Variants in TBX5 observed in about 807,000 individuals in gnomAD.
TBX5 encodes the protein T-box transcription factor 5, also known as T-box transcription factor TBX5.
In TBX5, 8 loss-of-function variants were observed where a neutral mutation model predicts 51.1. The ratio of observed to expected loss-of-function variants is 0.16; its 90% CI spans 0.09 to 0.28. TBX5 has a LOEUF of 0.28. Ranked by LOEUF, TBX5 falls within the 10% of genes least tolerant of loss-of-function variation. TBX5 has a pLI of 1.00. For missense variants in TBX5, 589 were observed against 671.7 expected, an observed-to-expected ratio of 0.88 and a Z score of 1.36; for synonymous variants, 302 against 266.4, an observed-to-expected ratio of 1.13 and a Z score of -1.30.
At chr12:114,362,149 A>T (rs370139682) in intron 8 of TBX5, among the ~76,000 whole-genome samples, 1 of 152,194 alleles carries the variant, frequency 6.6e-6, no homozygotes, top group South Asian at 2.1e-4. Flanking sequence ...CCCTGGTCGG[A>T]GCCACCATCT....
At chr12:114,404,804 G>A (rs1363622900) in intron 1 of TBX5, among the ~76,000 whole-genome samples, 1 of 152,138 alleles carries the variant, frequency 6.6e-6, no homozygotes, top group Non-Finnish European at 1.5e-5. Flanking sequence ...GCCAGGCCTG[G>A]CCTGCTAAAA....
chr12:114,404,202 C>T (rs941833723), intron 1 of TBX5, among the ~76,000 whole-genome samples: 2 of 152,102 alleles, frequency 1.3e-5, no homozygotes, highest in Non-Finnish European at 2.9e-5. Context: ...AGGTGAGGCC[C>T]GCATCTCCCC....
At chr12:114,372,784 C>G (rs1057305373) in intron 7 of TBX5, among the ~76,000 whole-genome samples, 17 of 152,066 alleles carry the variant, frequency 1.1e-4, no homozygotes, top group African/African-American at 4.1e-4. Flanking sequence ...GCATCAAGCT[C>G]AGGCTCCGAT....
At chr12:114,365,743 T>A (rs1316945306) in intron 8 of TBX5, among the ~76,000 whole-genome samples, 1 of 146,244 alleles carries the variant, frequency 6.8e-6, no homozygotes, top group Non-Finnish European at 1.5e-5. Context: ...TGTGAAAGGA[T>A]CACTTAAGCC....
chr12:114,376,272 T>C (rs866051589), intron 7 of TBX5, among the ~76,000 whole-genome samples: 111 of 148,602 alleles, frequency 7.5e-4, no homozygotes, highest in African/African-American at 1.0e-3. Context: ...TGTGTATATA[T>C]ATACACACAC....
chr12:114,360,068 A>G (rs531761780), intron 8 of TBX5, among the ~76,000 whole-genome samples: 31 of 152,314 alleles, frequency 2.0e-4, no homozygotes, highest in African/African-American at 7.0e-4. Context: ...TATTTTCACT[A>G]TTCCCAAATG....
intron 7 of TBX5, among the ~76,000 whole-genome samples, chr12:114,371,402 C>T (rs1237601366): frequency 1.3e-5 from 2 of 152,014 alleles, no homozygotes; most frequent in African/African-American, 4.8e-5. Flanking sequence ...CAATGAATGA[C>T]GCCATTGTCG....
intron 7 of TBX5, among the ~76,000 whole-genome samples, chr12:114,383,200 G>A (rs1870609720): frequency 6.6e-6 from 1 of 152,136 alleles, no homozygotes; most frequent in African/African-American, 2.4e-5. Flanking sequence ...GGGTCCTGGG[G>A]GAGACATGGG....
chr12:114,370,739 AC>A (rs1482034899), intron 7 of TBX5, among the ~76,000 whole-genome samples: 5 of 75,650 alleles, frequency 6.6e-5, no homozygotes, highest in African/African-American at 2.5e-4. Flanking sequence ...ACCTCATTTA[AC>A]CTTTTTTTTT....
chr12:114,397,394 G>A (rs1029480102), intron 5 of TBX5, among the ~76,000 whole-genome samples: 6 of 152,188 alleles, frequency 3.9e-5, no homozygotes, highest in Non-Finnish European at 7.3e-5. Flanking sequence ...CTAGGCTGCC[G>A]TGAGAATCAA....
At chr12:114,374,594 A>G (rs754935872) in intron 7 of TBX5, among the ~76,000 whole-genome samples, 1 of 152,202 alleles carries the variant, frequency 6.6e-6, no homozygotes, top group Admixed American at 6.5e-5. Flanking sequence ...TCTGGTGAAG[A>G]GAAGGAGGCA....
chr12:114,357,992 C>T (rs2086964769), intron 8 of TBX5, among the ~76,000 whole-genome samples: 1 of 152,198 alleles, frequency 6.6e-6, no homozygotes, highest in Non-Finnish European at 1.5e-5. Context: ...TACTCTTCAT[C>T]TCACAGTAAT....
intron 5 of TBX5, among the ~76,000 whole-genome samples, chr12:114,397,200 G>C (rs1871480276): frequency 2.0e-5 from 3 of 151,684 alleles, no homozygotes; most frequent in African/African-American, 7.3e-5. Context: ...CCCTGAAATC[G>C]GCGACCATGC....
chr12:114,397,478 C>T (rs1269675105), intron 5 of TBX5, among the ~76,000 whole-genome samples: 2 of 152,182 alleles, frequency 1.3e-5, no homozygotes, highest in African/African-American at 2.4e-5. Flanking sequence ...ATACAGAATC[C>T]GTGTTCTGTT....
At chr12:114,398,749 C>G in intron 4 of TBX5, 29 bp from the exon 5 acceptor site, 3 of 1,585,644 alleles carry the variant, frequency 1.9e-6, no homozygotes, top group South Asian at 1.1e-5. Flanking sequence ...TACTAGAGGC[C>G]TGGCTCAGAG....
At chr12:114,367,815 T>C (rs1373481366) in intron 7 of TBX5, among the ~76,000 whole-genome samples, 1 of 152,196 alleles carries the variant, frequency 6.6e-6, no homozygotes, top group Non-Finnish European at 1.5e-5. Flanking sequence ...AAACTGCATA[T>C]ATTGCTAAAC....
At chr12:114,371,184 T>C (rs1869882262) in intron 7 of TBX5, among the ~76,000 whole-genome samples, 1 of 152,148 alleles carries the variant, frequency 6.6e-6, no homozygotes, top group South Asian at 2.1e-4. Context: ...AAACTTTAGT[T>C]TGCAACAGTC....
chr12:114,385,741 A>G lies in TBX5; in HGVS notation c.664-174T>C, dbSNP rs572489677. Among the ~76,000 whole-genome samples, 33 of 152,272 alleles carry G rather than the reference A, an allele frequency of 2.2e-4. 1 individual carries two copies. The highest frequency in any genetic ancestry group is 2.2e-3 in the Admixed American group (33 of 15,292). On this transcript the variant is annotated intron_variant, in intron 6 of 8. Coordinates refer to ENST00000405440, the MANE Select transcript of TBX5 (RefSeq NM_181486.4). Reference sequence around the variant, plus strand: ...CCACTTCATTCAAGTGGAGGCTTTGAAAAATGTCCTCCATTGGACTGCTTT... The same window carrying G: ...CCACTTCATTCAAGTGGAGGCTTTGGAAAATGTCCTCCATTGGACTGCTTT...
rs1868800102 is a variant in TBX5 at position 114,355,097 on chromosome 12, AT to A, written c.*434del. ...CCATTAAGAAAATTGAAAGAAAAAA[AT>A]ATATTATCATTTATTATATAACAAT... On this transcript the variant is annotated 3_prime_UTR_variant, in exon 9 of 9. Transcript: ENST00000405440. The A allele has an allele frequency of 5.4e-6, 1 of 185,188 alleles. No homozygotes were observed. Among genetic ancestry groups the A allele is most frequent in the Non-Finnish European group, 1.1e-5 (1 of 87,316 alleles). 11.5% of individuals were successfully genotyped at this position (185,188 alleles called of 1,614,324 possible).
Sources: allele counts gnomAD v4.1 joint callset (sites outside exome capture counted in the v4.1 genomes callset), GRCh38; gene constraint gnomAD v4.1.1; transcripts MANE v1.5; gene names NCBI Gene and HGNC (gene_info 2026-07-23, HGNC 2026-07-21).